Variants in SEMA3D observed in about 807,000 individuals in gnomAD.
SEMA3D encodes the protein semaphorin 3D, also known as semaphorin-3D.
SEMA3D carries 84 observed loss-of-function variants against 100.1 expected under a neutral mutation model. The ratio of observed to expected loss-of-function variants is 0.84; its 90% CI spans 0.70 to 1.01. SEMA3D has a LOEUF of 1.01. Among genes scored for constraint, SEMA3D ranks in the 50% least tolerant of loss-of-function variants. SEMA3D has a pLI of 0.00. For synonymous variants in SEMA3D, 312 were observed against 320.7 expected (o/e 0.97, Z 0.29); for missense variants, 875 against 934.1 (o/e 0.94, Z 0.82).
chr7:85,015,286 A>C (rs1254551008), intron 15 of SEMA3D, 70 bp from the exon 16 acceptor site: 1 of 1,385,022 alleles, frequency 7.2e-7, no homozygotes, highest in Non-Finnish European at 1.0e-6. Flanking sequence ...CCTTTTCTTG[A>C]ATATCACATA....
chr7:85,128,312 C>T (rs1025217528), intron 2 of SEMA3D, among the ~76,000 whole-genome samples: 8 of 151,702 alleles, frequency 5.3e-5, no homozygotes, highest in South Asian at 4.1e-4. Context: ...GGATTACAGG[C>T]GCACGCCACC....
At chr7:85,113,935 T>C (rs1283799158) in intron 3 of SEMA3D, among the ~76,000 whole-genome samples, 1 of 152,184 alleles carries the variant, frequency 6.6e-6, no homozygotes, top group Non-Finnish European at 1.5e-5. Context: ...GCTAATTTTA[T>C]GCCCATAAAA....
chr7:85,146,529 G>C (rs1414081807), intron 2 of SEMA3D, among the ~76,000 whole-genome samples: 1 of 150,988 alleles, frequency 6.6e-6, no homozygotes, highest in Non-Finnish European at 1.5e-5. Flanking sequence ...ACTCCAGCCT[G>C]GGTGACAGAG....
At position 85,036,872 on chromosome 7, in the gene SEMA3D, T is replaced by C; in HGVS notation, c.1191+17A>G. The C allele has an allele frequency of 1.9e-6, 3 of 1,575,612 alleles. No individual in the cohort carries two copies. On this transcript the variant is annotated intron_variant, in intron 12 of 18. Transcript: ENST00000284136. ...TGAGCTTAAGAAAATAATTTGATTATTAAGTTGGATACATACTGTACCAGG... is the reference window on the plus strand; with the variant it reads ...TGAGCTTAAGAAAATAATTTGATTACTAAGTTGGATACATACTGTACCAGG...
chr7:85,219,622 A>G, the SEMA3D span, among the ~76,000 whole-genome samples: 1 of 152,080 alleles, frequency 6.6e-6, no homozygotes, highest in Non-Finnish European at 1.5e-5. Context: ...GTCATAACAG[A>G]TGGAACCACA....
intron 13 of SEMA3D, among the ~76,000 whole-genome samples, chr7:85,021,443 T>C (rs1179479268): frequency 6.6e-6 from 1 of 151,832 alleles, no homozygotes; most frequent in Non-Finnish European, 1.5e-5. Context: ...GGAATATCCC[T>C]TATTTTTCTG....
chr7:85,004,859 C>A (rs1789750266), intron 18 of SEMA3D, among the ~76,000 whole-genome samples: 1 of 151,944 alleles, frequency 6.6e-6, no homozygotes, highest in Non-Finnish European at 1.5e-5. Context: ...AATATTACAG[C>A]AAAGATACTT....
intron 1 of SEMA3D, among the ~76,000 whole-genome samples, chr7:85,164,590 A>G (rs1053036892): frequency 6.6e-6 from 1 of 152,158 alleles, no homozygotes; most frequent in Non-Finnish European, 1.5e-5. Context: ...AAGACAAGCC[A>G]ATTACTTCAT....
the SEMA3D span, among the ~76,000 whole-genome samples, chr7:85,197,065 C>T: frequency 3.3e-5 from 5 of 151,972 alleles, no homozygotes; most frequent in East Asian, 9.7e-4. Flanking sequence ...CTGACTCTGT[C>T]ATAACATTAC....
At chr7:85,160,990 C>T (rs529129736) in intron 1 of SEMA3D, among the ~76,000 whole-genome samples, 4 of 152,080 alleles carry the variant, frequency 2.6e-5, no homozygotes, top group African/African-American at 9.6e-5. Flanking sequence ...ACTACTTGCA[C>T]GTATGGAGGA....
At chr7:85,195,684 T>C in the SEMA3D span, among the ~76,000 whole-genome samples, 1 of 152,124 alleles carries the variant, frequency 6.6e-6, no homozygotes, top group African/African-American at 2.4e-5. Context: ...TCAAACTTCA[T>C]ATAGCCCTGA....
chr7:85,173,987 T>C (rs1245302656), intron 1 of SEMA3D, among the ~76,000 whole-genome samples: 1 of 152,148 alleles, frequency 6.6e-6, no homozygotes, highest in Non-Finnish European at 1.5e-5. Context: ...ATAACTGAAA[T>C]ATTGAGTAAT....
chr7:85,113,529 T>C (rs552029406), intron 3 of SEMA3D, among the ~76,000 whole-genome samples: 25 of 151,484 alleles, frequency 1.7e-4, no homozygotes, highest in African/African-American at 6.1e-4. Flanking sequence ...TCCCAGTACT[T>C]TGGGAGGCCG....
At chr7:85,145,157 A>C (rs1380744822) in intron 2 of SEMA3D, among the ~76,000 whole-genome samples, 1 of 152,126 alleles carries the variant, frequency 6.6e-6, no homozygotes, top group Non-Finnish European at 1.5e-5. Flanking sequence ...TCATGTTGAC[A>C]GTGTTTTTTT....
chr7:85,041,890 C>G (rs1308959271), intron 10 of SEMA3D: 5 of 342,148 alleles, frequency 1.5e-5, no homozygotes, highest in Non-Finnish European at 2.6e-5. Context: ...AATGGATGAA[C>G]TGTGTAGTTC....
intron 4 of SEMA3D, among the ~76,000 whole-genome samples, chr7:85,084,814 T>C (rs1171670170): frequency 6.6e-6 from 1 of 152,140 alleles, no homozygotes; most frequent in East Asian, 1.9e-4. Flanking sequence ...TCTCTATATA[T>C]CCATGTATTC....
chr7:85,003,260 C>T (rs1027778775), intron 18 of SEMA3D, among the ~76,000 whole-genome samples: 2 of 151,802 alleles, frequency 1.3e-5, no homozygotes, highest in Admixed American at 6.6e-5. Context: ...ACCACAAAAC[C>T]GACAATTAAT....
At position 85,065,474 on chromosome 7, in the gene SEMA3D, T is replaced by C; in HGVS notation, c.668A>G (p.His223Arg). The C allele has an allele frequency of 2.5e-6, 4 of 1,613,274 alleles. No homozygotes were observed. The highest frequency in any genetic ancestry group is 3.4e-6 in the Non-Finnish European group (4 of 1,179,406). ...TAFTRSLGPT[H>R]DHHYIRTDIS... Reference sequence around the variant, plus strand: ...GTCAGTTCTGATGTAGTGGTGGTCATGAGTAGGCCCAAGGGATCGAGTGAA... The same window carrying C: ...GTCAGTTCTGATGTAGTGGTGGTCACGAGTAGGCCCAAGGGATCGAGTGAA... The change falls in exon 8 of 19, where the codon CAT becomes CGT. Residue 223 changes from histidine (H) to arginine (R), a missense_variant. Coordinates refer to ENST00000284136, the MANE Select transcript of SEMA3D (RefSeq NM_001384900.1).
intron 9 of SEMA3D, 48 bp downstream of exon 9, chr7:85,055,669 T>C (rs930494503): frequency 7.7e-6 from 2 of 260,138 alleles, no homozygotes; most frequent in Non-Finnish European, 1.3e-5. Flanking sequence ...TATATATATA[T>C]ATATATATAT....
Sources: allele counts gnomAD v4.1 joint callset (sites outside exome capture counted in the v4.1 genomes callset), GRCh38; gene constraint gnomAD v4.1.1; transcripts MANE v1.5; gene names NCBI Gene and HGNC (gene_info 2026-07-23, HGNC 2026-07-21).